PRKCH: variants seen among roughly 807,000 people sequenced by gnomAD.
PRKCH encodes protein kinase C eta type.
A neutral mutation model predicts 82.5 loss-of-function variants in PRKCH; 28 were observed. The ratio of observed to expected loss-of-function variants is 0.34; its 90% CI spans 0.25 to 0.47. The LOEUF (loss-of-function observed/expected upper bound fraction) is 0.47. Ranked by LOEUF, PRKCH falls within the 20% of genes least tolerant of loss-of-function variation. The pLI is 1.00. For missense variants in PRKCH, 705 were observed against 881.8 expected (o/e 0.80, Z 2.54); for synonymous variants, 322 against 327.4 (o/e 0.98, Z 0.18).
At chr14:61,547,917 C>A in intron 13 of PRKCH, 31 bp downstream of exon 13, 1 of 1,605,554 alleles carries the variant, frequency 6.2e-7, no homozygotes, top group Non-Finnish European at 8.5e-7. Flanking sequence ...CAGAGACATT[C>A]CTTTCTTCAG....
At chr14:61,297,743 G>T (rs991939337) in intron 1 of PRKCH, among the ~76,000 whole-genome samples, 1 of 152,074 alleles carries the variant, frequency 6.6e-6, no homozygotes, top group African/African-American at 2.4e-5. Context: ...TGGCTTGCCC[G>T]CCACTCACCT....
In PRKCH at chr14:61,550,061, T is replaced by TGA. The variant is rs1176557622; in HGVS notation, c.*230_*231insGA. 1.5e-5 allele frequency: 7 copies of TGA among 473,398 alleles called. No homozygotes were observed. Among genetic ancestry groups the TGA allele is most frequent in the Admixed American group, 3.6e-5 (1 of 28,094 alleles). 29.3% of individuals were successfully genotyped at this position (473,398 alleles called of 1,614,324 possible). A position where few individuals can be genotyped will look rare whatever the true frequency, so the allele number is the denominator to read the frequency against. ...TAATGAAATGAGATTTTATGAAGTA[T>TGA]ACCGCTCCACCTATGAGCGTCTGTC... is the stretch of plus-strand genomic sequence containing the variant. On this transcript the variant is annotated 3_prime_UTR_variant, in exon 14 of 14. Coordinates refer to ENST00000332981, the MANE Select transcript of PRKCH (RefSeq NM_006255.5).
At chr14:61,485,448 AGCTCTAGGTTAATT>A in intron 9 of PRKCH, 40 bp from the exon 10 acceptor site, 2 of 1,577,852 alleles carry the variant, frequency 1.3e-6, no homozygotes. Flanking sequence ...CTGCTGATGG[AGCTCTAGGTTAATT>A]GCTACACCAC....
intron 1 of PRKCH, among the ~76,000 whole-genome samples, chr14:61,208,748 G>A (rs770544421): frequency 1.1e-4 from 17 of 152,104 alleles, no homozygotes; most frequent in Non-Finnish European, 2.2e-4. Flanking sequence ...AAGCACTATT[G>A]ACTTTATAGC....
At chr14:61,250,238 AAAAT>A (rs371406494) in intron 1 of PRKCH, among the ~76,000 whole-genome samples, 2,553 of 139,230 alleles carry the variant, frequency 0.018, 36 homozygotes, top group East Asian at 0.075. Flanking sequence ...CTCAGTCTCA[AAAAT>A]AAATAAATAA....
chr14:61,469,015 G>T (rs1170299819), intron 9 of PRKCH, among the ~76,000 whole-genome samples: 4 of 152,198 alleles, frequency 2.6e-5, no homozygotes, highest in African/African-American at 9.6e-5. Flanking sequence ...AAAATGAGAT[G>T]GGTGTTCTGC....
chr14:61,305,686 C>T (rs999380572), intron 1 of PRKCH: 1 of 152,126 alleles, frequency 6.6e-6, no homozygotes, highest in Non-Finnish European at 1.5e-5. Context: ...TCTAATATAT[C>T]CATTTGGTTT....
At chr14:61,357,194 G>C (rs2046161859) in intron 1 of PRKCH, among the ~76,000 whole-genome samples, 1 of 152,188 alleles carries the variant, frequency 6.6e-6, no homozygotes, top group Non-Finnish European at 1.5e-5. Flanking sequence ...GAACTTCCAA[G>C]CTATACTGGG....
intron 12 of PRKCH, chr14:61,544,985 C>G (rs920592282): frequency 1.3e-5 from 2 of 152,256 alleles, no homozygotes; most frequent in African/African-American, 4.8e-5. Context: ...CAGCTATTGT[C>G]TCAGCCTCTA....
At chr14:61,427,034 G>T (rs1883141841) in intron 2 of PRKCH, among the ~76,000 whole-genome samples, 1 of 152,184 alleles carries the variant, frequency 6.6e-6, no homozygotes, top group African/African-American at 2.4e-5. Context: ...CTGAGAACAT[G>T]TGCCCAGGGT....
intron 3 of PRKCH, among the ~76,000 whole-genome samples, chr14:61,445,109 A>C (rs948771000): frequency 2.0e-5 from 3 of 152,226 alleles, no homozygotes; most frequent in Admixed American, 6.5e-5. Flanking sequence ...GAGAATGAGA[A>C]TACTCCTAAT....
intron 1 of PRKCH, among the ~76,000 whole-genome samples, chr14:61,343,450 A>T (rs1451234495): frequency 6.6e-6 from 1 of 151,916 alleles, no homozygotes; most frequent in African/African-American, 2.4e-5. Flanking sequence ...GAACTATAAA[A>T]GGACTGGACT....
intron 1 of PRKCH, among the ~76,000 whole-genome samples, chr14:61,210,781 TC>T: frequency 6.7e-6 from 1 of 148,462 alleles, no homozygotes; most frequent in Non-Finnish European, 1.5e-5. Flanking sequence ...TCTCTCTCTC[TC>T]TCTCTCTCTG....
chr14:61,435,254 G>A lies in PRKCH; in HGVS notation c.428-7857G>A, dbSNP rs576552347. 1.2e-4 allele frequency among the ~76,000 whole-genome samples: 19 copies of A among 152,186 alleles called. No homozygotes were observed. The East Asian group carries it at 2.3e-3, about 19-fold the overall frequency. On this transcript the variant is annotated intron_variant, in intron 2 of 13. Transcript: ENST00000332981. The stretch of plus-strand genomic sequence containing the variant: ...CTGGTGCATCTGGGGGTTCCTTCCC[G>A]AATAAACTACTTGCAACTTAAGTCC...
At chr14:61,341,734 T>G (rs943418356) in intron 1 of PRKCH, among the ~76,000 whole-genome samples, 5 of 152,234 alleles carry the variant, frequency 3.3e-5, no homozygotes, top group African/African-American at 1.2e-4. Flanking sequence ...TCGAAGGTAG[T>G]GTAAATTCCT....
In PRKCH at chr14:61,495,647, G is replaced by A. The variant is rs1435757892; in HGVS notation, c.1433+9991G>A. Reference sequence around the variant, plus strand: ...AAAGACAGGTCCTGCCCTCGAGCTTGGGGTGTTTGTTCTTTCCGTTAACAA... The same window carrying A: ...AAAGACAGGTCCTGCCCTCGAGCTTAGGGTGTTTGTTCTTTCCGTTAACAA... On this transcript the variant is annotated intron_variant, in intron 10 of 13. Transcript: ENST00000332981. Among the ~76,000 whole-genome samples the A allele has an allele frequency of 2.6e-5, 4 of 152,190 alleles. No individual in the cohort carries two copies. In the South Asian group the frequency reaches 8.3e-4, roughly 32 times the overall value.
At chr14:61,485,996 A>G (rs1390450128) in intron 10 of PRKCH, among the ~76,000 whole-genome samples, 1 of 152,142 alleles carries the variant, frequency 6.6e-6, no homozygotes, top group African/African-American at 2.4e-5. Context: ...AAAGGTTCCA[A>G]GGATCCATTA....
chr14:61,371,931 G>A (rs1166820182), intron 1 of PRKCH, among the ~76,000 whole-genome samples: 3 of 151,898 alleles, frequency 2.0e-5, no homozygotes, highest in Non-Finnish European at 4.4e-5. Context: ...GTATCAGTAT[G>A]GACTCATGCA....
Position 61,322,393 on chromosome 14 carries a change from G to T in PRKCH, c.292G>T (p.Val98Leu), listed in dbSNP as rs764674032. Reference protein sequence around the residue: ...HETPLGYDHFVANCTLQFQEL... With the variant: ...HETPLGYDHFLANCTLQFQEL... ...GACGCCCCTGGGCTACGACCACTTCGTGGCCAACTGCACCCTGCAGTTCCA... is the reference window on the plus strand; with the variant it reads ...GACGCCCCTGGGCTACGACCACTTCTTGGCCAACTGCACCCTGCAGTTCCA... The change falls in exon 1 of 14, where the codon GTG becomes TTG. Residue 98 changes from valine (V) to leucine (L), a missense_variant. Around this residue, in one of 5 missense-constraint regions of PRKCH, gnomAD observed 246 missense variants for 308.0 expected, o/e 0.80. Transcript: ENST00000332981. 1.2e-6 allele frequency: 2 copies of T among 1,612,622 alleles called. No homozygotes were observed. Among genetic ancestry groups the T allele is most frequent in the Non-Finnish European group, 8.5e-7 (1 of 1,179,356 alleles).
Sources: allele counts gnomAD v4.1 joint callset (sites outside exome capture counted in the v4.1 genomes callset), GRCh38; gene constraint gnomAD v4.1.1; regional missense constraint gnomAD v4.1.1; transcripts MANE v1.5; gene names NCBI Gene and HGNC (gene_info 2026-07-23, HGNC 2026-07-21).